The following DPYD variants were observed in gnomAD, a reference collection of about 807,000 sequenced individuals.
DPYD encodes the protein dihydropyrimidine dehydrogenase [NADP(+)].
DPYD carries 109 observed loss-of-function variants against 116.2 expected under a neutral mutation model. The observed-to-expected ratio is 0.94, with a 90% confidence interval of 0.80 to 1.10. The LOEUF (loss-of-function observed/expected upper bound fraction) is 1.10, where lower values mean the gene tolerates loss of function less well. Among genes scored for constraint, DPYD ranks in the 50% least tolerant of loss-of-function variants. The pLI is 0.00. For missense variants in DPYD, 1,302 were observed against 1,254.5 expected (o/e 1.04, Z -0.57); for synonymous variants, 440 against 432.0 (o/e 1.02, Z -0.23).
chr1:97,091,036 G>C (rs1056669113), intron 21 of DPYD, among the ~76,000 whole-genome samples: 1 of 152,210 alleles, frequency 6.6e-6, no homozygotes, highest in African/African-American at 2.4e-5. Context: ...ACTGAGCATA[G>C]CTTGCTTAGA....
chr1:97,461,067 C>T (rs1676994963), intron 13 of DPYD, among the ~76,000 whole-genome samples: 1 of 151,516 alleles, frequency 6.6e-6, no homozygotes, highest in African/African-American at 2.4e-5. Context: ...GAAGCGATCA[C>T]ACTTACACTT....
At chr1:97,556,216 T>A (rs1040000760) in intron 11 of DPYD, among the ~76,000 whole-genome samples, 1 of 152,162 alleles carries the variant, frequency 6.6e-6, no homozygotes, top group African/African-American at 2.4e-5. Context: ...AGATAACCAC[T>A]TCCTCCTCAT....
chr1:97,242,124 GTATATATATATATATATATATATATA>G (rs71590220), intron 18 of DPYD, among the ~76,000 whole-genome samples: 26 of 35,864 alleles, frequency 7.2e-4, no homozygotes, highest in Non-Finnish European at 1.0e-3. Flanking sequence ...GTGTGCGTGT[GTATATATATATATATATATATATATA>G]TATATATATA....
At chr1:97,712,377 T>C (rs1439974920) in intron 5 of DPYD, among the ~76,000 whole-genome samples, 2 of 152,126 alleles carry the variant, frequency 1.3e-5, no homozygotes, top group Non-Finnish European at 2.9e-5. Flanking sequence ...GTCATTATAG[T>C]GTAAATTTAC....
chr1:97,117,556 T>C (rs896009838), intron 20 of DPYD, among the ~76,000 whole-genome samples: 1 of 152,206 alleles, frequency 6.6e-6, no homozygotes, highest in African/African-American at 2.4e-5. Context: ...GACAATCCAT[T>C]GTATACATAT....
chr1:97,526,247 A>T (rs1570900517), intron 12 of DPYD, among the ~76,000 whole-genome samples: 1 of 152,106 alleles, frequency 6.6e-6, no homozygotes, highest in Non-Finnish European at 1.5e-5. Flanking sequence ...AAGAGCTGGG[A>T]ATTCTCGAGG....
At chr1:97,811,538 G>A (rs1361065830) in intron 3 of DPYD, among the ~76,000 whole-genome samples, 2 of 152,052 alleles carry the variant, frequency 1.3e-5, no homozygotes, top group Non-Finnish European at 2.9e-5. Flanking sequence ...ATATTTCAAT[G>A]TAATAACCCC....
At chr1:97,410,261 C>T (rs554424197) in intron 14 of DPYD, among the ~76,000 whole-genome samples, 3 of 152,242 alleles carry the variant, frequency 2.0e-5, no homozygotes, top group East Asian at 1.9e-4. Context: ...ATACTGCTGA[C>T]ATAGAGTAGA....
chr1:97,480,928 C>T (rs370616096), intron 13 of DPYD, among the ~76,000 whole-genome samples: 4 of 151,686 alleles, frequency 2.6e-5, no homozygotes, highest in African/African-American at 4.8e-5. Context: ...TGCAGTGAGC[C>T]GAGATCATGC....
chr1:97,696,028 G>C (rs1205977484), intron 6 of DPYD, among the ~76,000 whole-genome samples: 1 of 151,906 alleles, frequency 6.6e-6, no homozygotes, highest in African/African-American at 2.4e-5. Flanking sequence ...TACTTGGGAG[G>C]CGGAGGCAGA....
At chr1:97,601,466 C>T (rs1216529107) in intron 8 of DPYD, among the ~76,000 whole-genome samples, 1 of 151,836 alleles carries the variant, frequency 6.6e-6, no homozygotes, top group Non-Finnish European at 1.5e-5. Flanking sequence ...ATATATGCAT[C>T]TATGTATATA....
At chr1:97,721,711 A>G in intron 4 of DPYD, 40 bp from the exon 5 acceptor site, 2 of 1,585,816 alleles carry the variant, frequency 1.3e-6, no homozygotes, top group Non-Finnish European at 1.7e-6. Context: ...CTACTTAAAA[A>G]TATACTTTAA....
chr1:97,474,548 T>A (rs1677842533), intron 13 of DPYD, among the ~76,000 whole-genome samples: 1 of 151,882 alleles, frequency 6.6e-6, no homozygotes, highest in Non-Finnish European at 1.5e-5. Context: ...TAATTATATA[T>A]TAGATGTTCT....
intron 7 of DPYD, among the ~76,000 whole-genome samples, chr1:97,680,428 C>T (rs1017976830): frequency 6.6e-6 from 1 of 152,028 alleles, no homozygotes; most frequent in African/African-American, 2.4e-5. Context: ...AAGAGTAGTC[C>T]TGATTGCAGT....
intron 19 of DPYD, among the ~76,000 whole-genome samples, chr1:97,198,924 A>AT (rs2101839118): frequency 6.6e-6 from 1 of 152,222 alleles, no homozygotes; most frequent in Non-Finnish European, 1.5e-5. Context: ...GTGCAGCGTG[A>AT]TTTGACGTGT....
intron 4 of DPYD, among the ~76,000 whole-genome samples, chr1:97,736,833 GGT>G (rs1424546048): frequency 7.0e-6 from 1 of 143,550 alleles, no homozygotes. Flanking sequence ...TAGAGGTGGG[GGT>G]GTGTGTGTGT....
intron 19 of DPYD, among the ~76,000 whole-genome samples, chr1:97,216,629 C>T (rs1323836416): frequency 6.6e-6 from 1 of 151,098 alleles, no homozygotes; most frequent in African/African-American, 2.4e-5. Flanking sequence ...CCCGTATCTA[C>T]TAAAAATACA....
intron 12 of DPYD, among the ~76,000 whole-genome samples, chr1:97,532,417 A>T (rs761203396): frequency 5.3e-5 from 8 of 151,968 alleles, no homozygotes; most frequent in Non-Finnish European, 5.9e-5. Context: ...GGAAGTATTT[A>T]CTCTTCTACT....
intron 13 of DPYD, among the ~76,000 whole-genome samples, chr1:97,474,231 G>A (rs1310542495): frequency 6.6e-6 from 1 of 151,976 alleles, no homozygotes; most frequent in African/African-American, 2.4e-5. Context: ...TTCTAACGAT[G>A]AACAATGTTG....
Sources: allele counts gnomAD v4.1 joint callset (sites outside exome capture counted in the v4.1 genomes callset), GRCh38; gene constraint gnomAD v4.1.1; transcripts MANE v1.5; gene names NCBI Gene and HGNC (gene_info 2026-07-23, HGNC 2026-07-21).